LRRFIP1: variants seen among roughly 807,000 people sequenced by gnomAD.
The protein encoded by LRRFIP1 is LRR binding FLII interacting protein 1, also known as leucine-rich repeat flightless-interacting protein 1.
A neutral mutation model predicts 104.4 loss-of-function variants in LRRFIP1; 62 were observed. The observed-to-expected ratio is 0.59, with a 90% confidence interval of 0.48 to 0.73. The LOEUF is 0.73. Among genes scored for constraint, LRRFIP1 ranks in the 30% least tolerant of loss-of-function variants. The probability of loss-of-function intolerance (pLI) is 0.00; values close to 1 mark genes in which losing one functional copy is unlikely to be tolerated. For synonymous variants in LRRFIP1, 300 were observed against 299.0 expected (o/e 1.00, Z -0.03); for missense variants, 796 against 824.5 (o/e 0.97, Z 0.42).
At chr2:237,731,442 A>G (rs755520298) in intron 8 of LRRFIP1, among the ~76,000 whole-genome samples, 2 of 151,528 alleles carry the variant, frequency 1.3e-5, no homozygotes, top group Admixed American at 6.6e-5. Flanking sequence ...AACCCTTCCC[A>G]TAGTCCCCCA....
intron 16 of LRRFIP1, 60 bp downstream of exon 16, chr2:237,756,247 C>T: frequency 7.9e-7 from 1 of 1,267,262 alleles, no homozygotes; most frequent in Non-Finnish European, 1.1e-6. Flanking sequence ...TTTGTCAGGC[C>T]ATGACTATCT....
chr2:237,732,056 C>G (rs2095034499), intron 8 of LRRFIP1, among the ~76,000 whole-genome samples: 1 of 152,166 alleles, frequency 6.6e-6, no homozygotes, highest in Non-Finnish European at 1.5e-5. Context: ...AAATTTATTT[C>G]AATATTTAAT....
Position 237,661,822 on chromosome 2 carries a change from T to A in LRRFIP1, c.96+34082T>A, listed in dbSNP as rs934649653. Among the ~76,000 whole-genome samples the A allele has an allele frequency of 6.6e-6, 1 of 152,136 alleles. No homozygotes were observed. The highest frequency in any genetic ancestry group is 2.4e-5 in the African/African-American group (1 of 41,412). On this transcript the variant is annotated intron_variant, in intron 1 of 23. Coordinates refer to ENST00000308482, the MANE Select transcript of LRRFIP1 (RefSeq NM_001137550.2). The surrounding 1 kb of genome is among the most constrained non-coding windows in gnomAD (Gnocchi z 4.4). ...GCTGTAGTTCTGTGGCCCAGCTGAG[T>A]GGCATAGGCTCTCCTGACCCAGGTA...
At chr2:237,702,043 C>T (rs567963105) in intron 1 of LRRFIP1, among the ~76,000 whole-genome samples, 1 of 152,232 alleles carries the variant, frequency 6.6e-6, no homozygotes, top group South Asian at 2.1e-4. Flanking sequence ...TAGACTTGGG[C>T]TCCACAGCAG....
intron 11 of LRRFIP1, among the ~76,000 whole-genome samples, chr2:237,741,837 GAAAA>G (rs1222560020): frequency 6.6e-6 from 1 of 150,544 alleles, no homozygotes; most frequent in Non-Finnish European, 1.5e-5. Context: ...AAAAAAAAAA[GAAAA>G]AAGAAAAAAA....
At chr2:237,753,561 C>A in intron 15 of LRRFIP1, 82 bp downstream of exon 15, 3 of 1,224,666 alleles carry the variant, frequency 2.4e-6, no homozygotes, top group East Asian at 2.7e-5. Flanking sequence ...TTTGGGAGGC[C>A]AAGGTGGGAG....
chr2:237,747,527 G>C (rs1391357319), intron 11 of LRRFIP1, among the ~76,000 whole-genome samples: 1 of 152,196 alleles, frequency 6.6e-6, no homozygotes, highest in African/African-American at 2.4e-5. Context: ...TTGCTGAGCC[G>C]TGGCCTCCGC....
At chr2:237,745,966 A>G (rs1031503988) in intron 11 of LRRFIP1, among the ~76,000 whole-genome samples, 17 of 152,314 alleles carry the variant, frequency 1.1e-4, no homozygotes, top group African/African-American at 3.6e-4. Context: ...CTTTGGGCCC[A>G]GGAGATTTAA....
At chr2:237,647,269 G>T (rs549409029) in intron 1 of LRRFIP1, among the ~76,000 whole-genome samples, 1 of 152,078 alleles carries the variant, frequency 6.6e-6, no homozygotes, top group African/African-American at 2.4e-5. Flanking sequence ...GGTGTGCAGG[G>T]CCTCTGCTTA....
Position 237,779,752 on chromosome 2 carries a change from G to A in LRRFIP1, c.*220G>A, listed in dbSNP as rs888338400. 19 of 440,790 alleles carry A rather than the reference G, an allele frequency of 4.3e-5. No homozygotes were observed. Among genetic ancestry groups the A allele is most frequent in the Admixed American group, 7.0e-5 (2 of 28,396 alleles). The allele number at this position is 440,790 out of a possible 1,614,324, so 27.3% of individuals were successfully genotyped here. On this transcript the variant is annotated 3_prime_UTR_variant, in exon 24 of 24. Coordinates refer to ENST00000308482, the MANE Select transcript of LRRFIP1 (RefSeq NM_001137550.2). ...CAGACCCCTGGCCCGGGCTGGCGCC[G>A]ACGCTCAGAACCTGCAGGTACTTCA...
chr2:237,645,001 C>T (rs999548963), intron 1 of LRRFIP1, among the ~76,000 whole-genome samples: 4 of 152,200 alleles, frequency 2.6e-5, no homozygotes, highest in Non-Finnish European at 4.4e-5. Context: ...GTGGTGTCTG[C>T]AGGTTTCTCC....
intron 1 of LRRFIP1, among the ~76,000 whole-genome samples, chr2:237,694,738 T>A (rs2093050199): frequency 6.6e-6 from 1 of 152,218 alleles, no homozygotes; most frequent in Non-Finnish European, 1.5e-5. Flanking sequence ...GAGCCTGGGC[T>A]TCTTCAGCAA....
intron 1 of LRRFIP1, among the ~76,000 whole-genome samples, chr2:237,707,583 G>A (rs554378432): frequency 2.6e-4 from 39 of 152,270 alleles, no homozygotes; most frequent in African/African-American, 7.9e-4. Context: ...TAGAAAGAGG[G>A]TGGGGTTTGT....
intron 23 of LRRFIP1, among the ~76,000 whole-genome samples, chr2:237,778,778 G>A (rs1401059677): frequency 6.6e-6 from 1 of 152,120 alleles, no homozygotes; most frequent in African/African-American, 2.4e-5. Context: ...TTAGCCAGGT[G>A]TGGTGGTGTG....
chr2:237,739,162 C>A, intron 10 of LRRFIP1, 70 bp from the exon 11 acceptor site: 2 of 1,383,952 alleles, frequency 1.4e-6, no homozygotes, highest in Non-Finnish European at 2.0e-6. Flanking sequence ...GGCCTCTATT[C>A]TCCTTGCTCC....
In LRRFIP1 at chr2:237,705,788, G is replaced by A. The variant is rs1447043331; in HGVS notation, c.97-2756G>A. Among the ~76,000 whole-genome samples the A allele has an allele frequency of 6.6e-5, 10 of 152,154 alleles. No individual in the cohort carries two copies. The East Asian group carries it at 1.5e-3, about 23-fold the overall frequency. On this transcript the variant is annotated intron_variant, in intron 1 of 23. Coordinates refer to ENST00000308482, the MANE Select transcript of LRRFIP1 (RefSeq NM_001137550.2). ...AGTTCAGGCCCCTCTTCTGAGCCAC[G>A]TGTTTGTTGGAAGAATTCAGTTCCT...
chr2:237,723,670 T>C (rs2150217837), intron 7 of LRRFIP1, 84 bp downstream of exon 7: 1 of 1,540,318 alleles, frequency 6.5e-7, no homozygotes, highest in Non-Finnish European at 9.0e-7. Context: ...ACGAATCTCA[T>C]GGGTGCTTTG....
chr2:237,730,008 A>G (rs2094930295), intron 8 of LRRFIP1, among the ~76,000 whole-genome samples: 1 of 152,128 alleles, frequency 6.6e-6, no homozygotes, highest in Non-Finnish European at 1.5e-5. Context: ...AGTTAACATG[A>G]GCTCCTTCAT....
chr2:237,694,668 A>G (rs892035041), intron 1 of LRRFIP1, among the ~76,000 whole-genome samples: 3 of 152,210 alleles, frequency 2.0e-5, no homozygotes, highest in African/African-American at 7.2e-5. Context: ...CGGGTTGGTC[A>G]GAGGAAGTAG....
Sources: allele counts gnomAD v4.1 joint callset (sites outside exome capture counted in the v4.1 genomes callset), GRCh38; gene constraint gnomAD v4.1.1; non-coding constraint Gnocchi (gnomAD v3.1); transcripts MANE v1.5; gene names NCBI Gene and HGNC (gene_info 2026-07-23, HGNC 2026-07-21).